Variants in RANBP2 observed in about 807,000 individuals in gnomAD.
RANBP2 encodes the protein RAN binding protein 2.
A neutral mutation model predicts 303.6 loss-of-function variants in RANBP2; 57 were observed. The ratio of observed to expected loss-of-function variants is 0.19; its 90% CI spans 0.15 to 0.23. RANBP2 has a LOEUF of 0.23. Among genes scored for constraint, RANBP2 ranks in the 10% least tolerant of loss-of-function variants. RANBP2 has a pLI of 1.00. For missense variants in RANBP2, 3,138 were observed against 3,780.8 expected (o/e 0.83, Z 4.46); for synonymous variants, 1,167 against 1,301.5 (o/e 0.90, Z 2.23).
chr2:108,887,522 A>G, the RANBP2 span, among the ~76,000 whole-genome samples: 1 of 151,952 alleles, frequency 6.6e-6, no homozygotes, highest in Non-Finnish European at 1.5e-5. Context: ...ACCTTTTTCC[A>G]TTTTATTTGT....
At chr2:109,403,611 G>A in the RANBP2 span, among the ~76,000 whole-genome samples, 2 of 152,230 alleles carry the variant, frequency 1.3e-5, no homozygotes, top group African/African-American at 4.8e-5. Context: ...GGTCCCTGCG[G>A]TGCTCCATAA....
At chr2:108,924,776 G>A in the RANBP2 span, among the ~76,000 whole-genome samples, 65 of 152,344 alleles carry the variant, frequency 4.3e-4, no homozygotes, top group African/African-American at 1.5e-3. Flanking sequence ...AGCCACGACA[G>A]CCAGTTTTAC....
chr2:109,286,715 A>G, the RANBP2 span, among the ~76,000 whole-genome samples: 4 of 152,174 alleles, frequency 2.6e-5, no homozygotes, highest in Admixed American at 1.3e-4. Flanking sequence ...TTGAGCTACC[A>G]GGATTCCCAG....
chr2:109,716,895 G>A, the RANBP2 span, among the ~76,000 whole-genome samples: 3 of 152,198 alleles, frequency 2.0e-5, no homozygotes, highest in Non-Finnish European at 2.9e-5. Flanking sequence ...GTAGCTACTT[G>A]TAGAGATATT....
the RANBP2 span, among the ~76,000 whole-genome samples, chr2:109,517,749 C>T: frequency 3.3e-5 from 5 of 152,120 alleles, no homozygotes; most frequent in South Asian, 2.1e-4. Flanking sequence ...AAGTGCCCAC[C>T]GTGCAGCACA....
At chr2:109,310,535 A>C in the RANBP2 span, among the ~76,000 whole-genome samples, 1 of 79,040 alleles carries the variant, frequency 1.3e-5, no homozygotes, top group African/African-American at 7.6e-5. Flanking sequence ...ACCCTTCAAA[A>C]AATCAGTGAA....
chr2:108,927,398 C>A, the RANBP2 span, among the ~76,000 whole-genome samples: 7 of 152,224 alleles, frequency 4.6e-5, no homozygotes, highest in Admixed American at 2.6e-4. Flanking sequence ...CGCCTGAATT[C>A]TTCTAGAGGC....
chr2:109,699,308 T>C, the RANBP2 span, among the ~76,000 whole-genome samples: 2 of 152,198 alleles, frequency 1.3e-5, no homozygotes. Flanking sequence ...TCTTGGCCTC[T>C]TCATTCTACA....
chr2:109,501,918 A>G, the RANBP2 span: 1 of 467,790 alleles, frequency 2.1e-6, no homozygotes, highest in Non-Finnish European at 3.9e-6. Flanking sequence ...GGAAACTGCA[A>G]AGAAAGCACC....
the RANBP2 span, among the ~76,000 whole-genome samples, chr2:109,547,200 T>C: frequency 6.6e-6 from 1 of 152,196 alleles, no homozygotes; most frequent in Non-Finnish European, 1.5e-5. Flanking sequence ...TTCCTCCAAG[T>C]TGCTGCCTCT....
the RANBP2 span, among the ~76,000 whole-genome samples, chr2:109,166,960 A>T: frequency 3.9e-5 from 6 of 152,202 alleles, no homozygotes; most frequent in African/African-American, 1.4e-4. Flanking sequence ...ACCTTCTTGT[A>T]AAAGGGCCAT....
the RANBP2 span, among the ~76,000 whole-genome samples, chr2:109,644,346 T>C: frequency 1.3e-5 from 2 of 152,246 alleles, no homozygotes; most frequent in South Asian, 4.1e-4. Flanking sequence ...CAGCTGACTC[T>C]GCACGAATTT....
the RANBP2 span, among the ~76,000 whole-genome samples, chr2:108,937,620 GTGTCTGTA>G: frequency 1.2e-5 from 1 of 80,640 alleles, no homozygotes; most frequent in South Asian, 5.8e-4. Context: ...ATGTGTGTGA[GTGTCTGTA>G]TGTTTATGTT....
the RANBP2 span, among the ~76,000 whole-genome samples, chr2:109,010,125 C>G: frequency 6.6e-6 from 1 of 152,126 alleles, no homozygotes; most frequent in Non-Finnish European, 1.5e-5. Context: ...GCATTGTGTT[C>G]TTTATGGCTT....
the RANBP2 span, chr2:108,907,956 C>T: frequency 6.2e-7 from 1 of 1,613,514 alleles, no homozygotes; most frequent in South Asian, 1.1e-5. Context: ...CAGGGGCGGG[C>T]TCCTCATCAC....
chr2:109,501,219 GC>G, the RANBP2 span, among the ~76,000 whole-genome samples: 1 of 152,180 alleles, frequency 6.6e-6, no homozygotes, highest in South Asian at 2.1e-4. Flanking sequence ...GAGATGGGGG[GC>G]TGTGCTTGGG....
At chr2:109,436,077 C>T in the RANBP2 span, among the ~76,000 whole-genome samples, 42 of 152,104 alleles carry the variant, frequency 2.8e-4, no homozygotes, top group Non-Finnish European at 4.3e-4. Context: ...GCACAGGAGA[C>T]GGGGCAGGCA....
At chr2:108,960,905 C>A in the RANBP2 span, among the ~76,000 whole-genome samples, 2 of 152,152 alleles carry the variant, frequency 1.3e-5, no homozygotes, top group Non-Finnish European at 2.9e-5. Flanking sequence ...AAGAGTATCC[C>A]CTAAGGCTGG....
the RANBP2 span, among the ~76,000 whole-genome samples, chr2:109,098,851 G>A: frequency 9.9e-5 from 15 of 152,276 alleles, no homozygotes; most frequent in East Asian, 1.9e-4. Context: ...TGTAATACCC[G>A]GTTATTTGGC....
Sources: allele counts gnomAD v4.1 joint callset (sites outside exome capture counted in the v4.1 genomes callset), GRCh38; gene constraint gnomAD v4.1.1; transcripts MANE v1.5; gene names NCBI Gene and HGNC (gene_info 2026-07-23, HGNC 2026-07-21).